Variants in PNPLA6 observed in about 807,000 individuals in gnomAD.
PNPLA6 encodes the protein patatin-like phospholipase domain-containing protein 6.
Under a neutral mutation model 153.7 loss-of-function variants are expected in PNPLA6, and 105 were observed. That is an observed-to-expected ratio of 0.68 (90% CI 0.58 to 0.80). The LOEUF (loss-of-function observed/expected upper bound fraction) is 0.80. Among genes scored for constraint, PNPLA6 ranks in the 30% least tolerant of loss-of-function variants. The pLI is 0.00. For synonymous variants in PNPLA6, 825 were observed against 822.2 expected (o/e 1.00, Z -0.06); for missense variants, 1,423 against 1,919.3 (o/e 0.74, Z 4.83).
chr19:7,555,709 C>T lies in PNPLA6; in HGVS notation c.3039C>T (p.Tyr1013=), dbSNP rs2023849509. 5 of 1,613,656 alleles carry T rather than the reference C, an allele frequency of 3.1e-6. No individual in the cohort carries two copies. In the African/African-American group the frequency reaches 4.0e-5, roughly 13 times the overall value. Reference sequence around the variant, plus strand: ...TTGGCTCTTTCATCGGAGCGTTGTACGCGGAGGAGCGCAGCGCCAGCCGCA... The same window carrying T: ...TTGGCTCTTTCATCGGAGCGTTGTATGCGGAGGAGCGCAGCGCCAGCCGCA... ...TSIGSFIGAL[Y]AEERSASRTK... The change falls in exon 24 of 32, where the codon TAC becomes TAT. Residue 1013 remains tyrosine (Y), a synonymous_variant. Coordinates refer to ENST00000600737, the MANE Select transcript of PNPLA6 (RefSeq NM_001166114.2). The surrounding 1 kb of genome is among the most constrained non-coding windows in gnomAD (Gnocchi z 6.3).
chr19:7,553,715 T>C (rs1340954622), intron 18 of PNPLA6, among the ~76,000 whole-genome samples, 160 bp from the exon 19 acceptor site: 3 of 152,214 alleles, frequency 2.0e-5, no homozygotes, highest in African/African-American at 7.2e-5. Context: ...CATGGCTTTC[T>C]GTATGGTAGA....
chr19:7,543,224 A>G, intron 13 of PNPLA6, 140 bp downstream of exon 13: 1 of 810,068 alleles, frequency 1.2e-6, no homozygotes, highest in East Asian at 2.7e-5. Flanking sequence ...ATCATTTCCA[A>G]CCTCTAACCC....
At chr19:7,535,446 C>A (rs2022805852), upstream of PNPLA6, 1 of 1,185,418 alleles carries the variant, frequency 8.4e-7, no homozygotes, top group Non-Finnish European at 1.2e-6. This position sits in a 1 kb window ranked among gnomAD's most constrained non-coding sequence, Gnocchi z 5.0. Flanking sequence ...GGGCTTGAGG[C>A]AGGGGAGAGG....
Position 7,554,287 on chromosome 19 carries a change from A to C in PNPLA6, c.2465+15A>C. On this transcript the variant is annotated intron_variant, in intron 20 of 31. Coordinates refer to ENST00000600737, the MANE Select transcript of PNPLA6 (RefSeq NM_001166114.2). The stretch of plus-strand genomic sequence containing the variant: ...GCACTGGATAGGTGTGTGTTGCAGA[A>C]GGGAGTGGGGAGGGTGGTGGGTGGG... The C allele has an allele frequency of 1.7e-5, 26 of 1,562,866 alleles. No homozygotes were observed. The highest frequency in any genetic ancestry group is 2.0e-5 in the Non-Finnish European group (23 of 1,137,690).
rs1425181024 is a variant in PNPLA6 at position 7,558,843 on chromosome 19, C to A, written c.3398-7C>A. ...GGAGCAGCCCGCTGACCCCCCTGGC[C>A]CCACAGCGGACATCGCCCGCAGCAT... On this transcript the variant is annotated splice_region_variant and splice_polypyrimidine_tract_variant and intron_variant, in intron 27 of 31. Coordinates refer to ENST00000600737, the MANE Select transcript of PNPLA6 (RefSeq NM_001166114.2). 6.2e-7 allele frequency: 1 copy of A among 1,603,666 alleles called. No individual in the cohort carries two copies. The highest frequency in any genetic ancestry group is 1.7e-5 in the Admixed American group (1 of 59,562).
chr19:7,555,679 G>C lies in PNPLA6; in HGVS notation c.3009G>C (p.Thr1003=). 1 of 1,613,608 alleles carries C rather than the reference G, an allele frequency of 6.2e-7. No homozygotes were observed. The highest frequency in any genetic ancestry group is 8.5e-7 in the Non-Finnish European group (1 of 1,179,878). The change falls in exon 24 of 32, where the codon ACG becomes ACC. Residue 1003 remains threonine (T), a synonymous_variant. Transcript: ENST00000600737. The surrounding 1 kb of genome is among the most constrained non-coding windows in gnomAD (Gnocchi z 6.3). The part of the protein sequence containing the change: ...AGVPVDLVGG[T]SIGSFIGALY... ...TCCCCGTGGACCTGGTGGGCGGCAC[G>C]TCCATTGGCTCTTTCATCGGAGCGT...
chr19:7,558,998 G>A lies in PNPLA6; in HGVS notation c.3546G>A (p.Lys1182=), dbSNP rs1480992795. The change falls in exon 28 of 32, where the codon AAG becomes AAA. Residue 1182 remains lysine, a synonymous_variant. Transcript: ENST00000600737. ...TGAATCCCTGGGCTGACAAGGTAAAGGTTCCAGACATGGCTGAAATCCAGT... is the reference window on the plus strand; with the variant it reads ...TGAATCCCTGGGCTGACAAGGTAAAAGTTCCAGACATGGCTGAAATCCAGT... ...KRLNPWADKV[K]VPDMAEIQSR... 1 of 1,614,254 alleles carries A rather than the reference G, an allele frequency of 6.2e-7. No individual in the cohort carries two copies. The highest frequency in any genetic ancestry group is 1.1e-5 in the South Asian group (1 of 91,090).
At chr19:7,549,225 C>T (rs993281886) in intron 13 of PNPLA6, among the ~76,000 whole-genome samples, 2 of 147,058 alleles carry the variant, frequency 1.4e-5, no homozygotes, top group African/African-American at 5.0e-5. Context: ...CTCGCTCTGT[C>T]GCCCACGCTG....
Position 7,541,448 on chromosome 19 carries a change from G to A in PNPLA6, c.1005+14G>A, listed in dbSNP as rs190321280. 6.5e-4 allele frequency: 1,046 copies of A among 1,613,348 alleles called. 5 individuals carry two copies. In the African/African-American group the frequency reaches 0.011, roughly 18 times the overall value. On this transcript the variant is annotated intron_variant, in intron 8 of 31. Coordinates refer to ENST00000600737, the MANE Select transcript of PNPLA6 (RefSeq NM_001166114.2). The surrounding 1 kb of genome is among the most constrained non-coding windows in gnomAD (Gnocchi z 5.2). Reference sequence around the variant, plus strand: ...CTCTTCAGCCACGTGAGTGGGTGGCGGGGAGCGAGCACAGGGGGGATGGGG... The same window carrying A: ...CTCTTCAGCCACGTGAGTGGGTGGCAGGGAGCGAGCACAGGGGGGATGGGG...
Position 7,542,005 on chromosome 19 carries a change from C to A in PNPLA6, c.1190C>A (p.Ser397Tyr). ...CCAGGGGACCCTGTGAAGCCCACAT[C>A]CCTGGAAACCCCCTCGGCCCCTCTG... ...GPTGDPVKPT[S>Y]LETPSAPLLS... The change falls in exon 10 of 32, where the codon TCC becomes TAC. Residue 397 changes from serine (S) to tyrosine (Y), a missense_variant. This residue lies in a region of PNPLA6 where 267 missense variants were observed against 255.1 expected (regional missense o/e 1.05). Coordinates refer to ENST00000600737, the MANE Select transcript of PNPLA6 (RefSeq NM_001166114.2). 4.4e-6 allele frequency: 7 copies of A among 1,608,452 alleles called. No individual in the cohort carries two copies. The highest frequency in any genetic ancestry group is 5.9e-6 in the Non-Finnish European group (7 of 1,179,878).
At chr19:7,552,395 AATT>A in intron 18 of PNPLA6, among the ~76,000 whole-genome samples, 2 of 152,250 alleles carry the variant, frequency 1.3e-5, no homozygotes, top group East Asian at 3.9e-4. Context: ...GGTTCTACCC[AATT>A]GGCCCTGAGC....
At chr19:7,559,247 G>A (rs1242780702) in intron 28 of PNPLA6, 96 bp downstream of exon 28, 2 of 973,772 alleles carry the variant, frequency 2.1e-6, no homozygotes, top group African/African-American at 3.2e-5. Context: ...GAATCCAGGA[G>A]GAATCCAGGA....
Position 7,555,431 on chromosome 19 carries a change from GA to G in PNPLA6, c.2936+67del. ...TGTCCGAGGGTGGAGCTTCCTGGGA[GA>G]AACCGTGGGGGCGGGGCCTGGGTGT... On this transcript the variant is annotated intron_variant, in intron 23 of 31. Transcript: ENST00000600737. This position sits in a 1 kb window ranked among gnomAD's most constrained non-coding sequence, Gnocchi z 6.3. 7.3e-7 allele frequency: 1 copy of G among 1,366,536 alleles called. No individual in the cohort carries two copies. The highest frequency in any genetic ancestry group is 2.5e-5 in the East Asian group (1 of 40,076). 84.7% of individuals were successfully genotyped at this position (1,366,536 alleles called of 1,614,324 possible).
At chr19:7,539,517 G>T (rs985749607) in intron 3 of PNPLA6, among the ~76,000 whole-genome samples, 5 of 151,220 alleles carry the variant, frequency 3.3e-5, no homozygotes, top group Admixed American at 2.6e-4. Flanking sequence ...CCAGCCTTTG[G>T]GAGGCCGAGT....
upstream of PNPLA6, chr19:7,535,678 G>T (rs369300984): frequency 3.3e-6 from 5 of 1,533,406 alleles, no homozygotes; most frequent in African/African-American, 6.8e-5. This position sits in a 1 kb window ranked among gnomAD's most constrained non-coding sequence, Gnocchi z 5.0. Context: ...TGGCGATAAC[G>T]CGCTGCGTCC....
intron 13 of PNPLA6, among the ~76,000 whole-genome samples, chr19:7,549,443 C>T: frequency 6.6e-6 from 1 of 150,732 alleles, no homozygotes; most frequent in Admixed American, 6.7e-5. Flanking sequence ...GCCTCGGCCT[C>T]CCAAAGTTCT....
At position 7,548,693 on chromosome 19, in the gene PNPLA6, G is replaced by C. The variant is rs1278748109; in HGVS notation, c.1609-1214G>C. On this transcript the variant is annotated intron_variant, in intron 13 of 31. Transcript: ENST00000600737. ...TAGATCCAAGGTTGGTTGAATCCTG[G>C]GTATATGGAACATATATATATATAT... Among the ~76,000 whole-genome samples the C allele has an allele frequency of 1.7e-4, 23 of 136,476 alleles. No homozygotes were observed. The Admixed American group carries it at 1.9e-3, about 11-fold the overall frequency. 89.5% of individuals were successfully genotyped at this position (136,476 alleles called of 152,430 possible).
chr19:7,542,459 C>T, intron 10 of PNPLA6, 102 bp from the exon 11 acceptor site: 1 of 897,762 alleles, frequency 1.1e-6, no homozygotes, highest in Admixed American at 1.9e-5. Flanking sequence ...CCCAGCCTCC[C>T]AAATAGCTGG....
rs116999754 is a variant in PNPLA6 at position 7,553,259 on chromosome 19, A to C, written c.2261-616A>C. ...TTTTCTTGTCTTTGTCTTTTCTTTTATTTTCTTTTTAAGACAGGGTCTCGC... is the reference window on the plus strand; with the variant it reads ...TTTTCTTGTCTTTGTCTTTTCTTTTCTTTTCTTTTTAAGACAGGGTCTCGC... On this transcript the variant is annotated intron_variant, in intron 18 of 31. Transcript: ENST00000600737. Among the ~76,000 whole-genome samples the C allele has an allele frequency of 1.5e-3, 233 of 151,994 alleles. 2 individuals are homozygous for C. The East Asian group carries it at 0.038, about 25-fold the overall frequency.
Sources: gnomAD v4.1 joint callset for allele counts (sites outside exome capture counted in the v4.1 genomes callset) on GRCh38, gnomAD v4.1.1 for gene constraint, gnomAD v4.1.1 regional missense constraint, Gnocchi (gnomAD v3.1) non-coding constraint, MANE v1.5 for transcripts, NCBI Gene and HGNC (gene_info 2026-07-23, HGNC 2026-07-21) for gene names.